Variants in ARID5B observed in about 807,000 individuals in gnomAD.
The protein encoded by ARID5B is AT-rich interactive domain-containing protein 5B.
A neutral mutation model predicts 97.2 loss-of-function variants in ARID5B; 13 were observed. The observed-to-expected ratio is 0.13, with a 90% CI of 0.09 to 0.21. ARID5B has a LOEUF of 0.21. Among genes scored for constraint, ARID5B ranks in the 10% least tolerant of loss-of-function variants. The probability of loss-of-function intolerance (pLI) is 1.00; values close to 1 mark genes in which losing one functional copy is unlikely to be tolerated. For missense variants in ARID5B, 1,210 were observed against 1,465.3 expected (o/e 0.83, Z 2.84); for synonymous variants, 556 against 570.3 (o/e 0.97, Z 0.36).
chr10:61,924,116 A>G (rs1274621563), intron 2 of ARID5B, among the ~76,000 whole-genome samples: 2 of 152,222 alleles, frequency 1.3e-5, no homozygotes, highest in Admixed American at 1.3e-4. Flanking sequence ...AGCACAGGGC[A>G]TGGAAAGCTG....
At chr10:61,988,500 C>T (rs750186152) in intron 3 of ARID5B, among the ~76,000 whole-genome samples, 2 of 152,126 alleles carry the variant, frequency 1.3e-5, no homozygotes, top group African/African-American at 2.4e-5. Context: ...AGGTGGCAAG[C>T]GAGAATCTCT....
chr10:61,987,279 T>C (rs534659048), intron 3 of ARID5B, among the ~76,000 whole-genome samples: 2 of 152,134 alleles, frequency 1.3e-5, no homozygotes, highest in Admixed American at 1.3e-4. Flanking sequence ...GGGAGTAGGA[T>C]GAGAACAGAG....
chr10:61,943,785 A>G (rs1039467032), intron 3 of ARID5B, among the ~76,000 whole-genome samples: 9 of 151,924 alleles, frequency 5.9e-5, no homozygotes, highest in Non-Finnish European at 1.2e-4. Context: ...GTGTCTGCCA[A>G]CAAATTAATA....
At chr10:62,031,542 AAC>A (rs1839497197) in intron 4 of ARID5B, among the ~76,000 whole-genome samples, 1 of 152,230 alleles carries the variant, frequency 6.6e-6, no homozygotes, top group South Asian at 2.1e-4. Context: ...TCAAGGAACT[AAC>A]CTCTTCACTG....
chr10:61,952,739 TTAG>T (rs1208883868), intron 3 of ARID5B, among the ~76,000 whole-genome samples: 1 of 152,168 alleles, frequency 6.6e-6, no homozygotes, highest in East Asian at 1.9e-4. Flanking sequence ...CTTGGTCTAA[TTAG>T]TAGTCATCTA....
intron 4 of ARID5B, among the ~76,000 whole-genome samples, chr10:62,041,346 G>A (rs1431955623): frequency 1.3e-5 from 2 of 152,174 alleles, no homozygotes; most frequent in Admixed American, 1.3e-4. Context: ...GCCCTCATAG[G>A]GAGGAAGGGT....
intron 2 of ARID5B, among the ~76,000 whole-genome samples, chr10:61,937,986 T>A (rs1844335830): frequency 6.6e-6 from 1 of 152,208 alleles, no homozygotes; most frequent in Non-Finnish European, 1.5e-5. Context: ...CAGTAAAACA[T>A]ACTGGTGGTT....
rs1843628213 is a variant in ARID5B at position 61,902,194 on chromosome 10, C to T, written c.57C>T (p.Tyr19=). The change falls in exon 2 of 10, where the codon TAC becomes TAT. Residue 19 remains tyrosine (Y), a synonymous_variant. Transcript: ENST00000279873. ...VGSPCGLHGP[Y]IFYKAFQFHL... ...CACCGTGTGGCTTGCACGGACCTTA[C>T]ATTTTCTACAAGGCTTTTCAATTCC... is the stretch of plus-strand genomic sequence containing the variant. The T allele has an allele frequency of 6.2e-7, 1 of 1,613,398 alleles. No individual in the cohort carries two copies. Among genetic ancestry groups the T allele is most frequent in the Non-Finnish European group, 8.5e-7 (1 of 1,180,024 alleles).
chr10:61,947,152 C>G (rs535436307), intron 3 of ARID5B, among the ~76,000 whole-genome samples: 1 of 151,926 alleles, frequency 6.6e-6, no homozygotes, highest in Non-Finnish European at 1.5e-5. Flanking sequence ...TGCCTCATGC[C>G]GTTATAATGT....
chr10:62,036,424 C>G (rs1056836863), intron 4 of ARID5B, among the ~76,000 whole-genome samples: 3 of 151,942 alleles, frequency 2.0e-5, no homozygotes, highest in Admixed American at 2.0e-4. Context: ...GTTGTTGACG[C>G]CCAATGCCAG....
At chr10:62,035,400 T>C (rs953332763) in intron 4 of ARID5B, among the ~76,000 whole-genome samples, 2 of 150,268 alleles carry the variant, frequency 1.3e-5, no homozygotes, top group Non-Finnish European at 3.0e-5. Context: ...ATAATCTCTT[T>C]AGACTGTGGT....
chr10:62,043,040 C>G lies in ARID5B; in HGVS notation c.734-7848C>G, dbSNP rs376381656. Among the ~76,000 whole-genome samples the G allele has an allele frequency of 1.2e-4, 19 of 152,180 alleles. No homozygotes were observed. The East Asian group carries it at 3.7e-3, about 29-fold the overall frequency. ...GCTATGGTATATAGACCCCATTATC[C>G]CAAAGATGCATAGGCTCTTGCACAG... is the stretch of plus-strand genomic sequence containing the variant. On this transcript the variant is annotated intron_variant, in intron 4 of 9. Transcript: ENST00000279873.
chr10:61,954,867 A>C (rs1250316192), intron 3 of ARID5B, among the ~76,000 whole-genome samples: 1 of 152,040 alleles, frequency 6.6e-6, no homozygotes, highest in Non-Finnish European at 1.5e-5. Context: ...TTAGCTTGGC[A>C]TGGTGGTGCA....
At chr10:61,958,496 G>T (rs1055309750) in intron 3 of ARID5B, among the ~76,000 whole-genome samples, 6 of 152,144 alleles carry the variant, frequency 3.9e-5, no homozygotes, top group Non-Finnish European at 8.8e-5. Flanking sequence ...AAAGTGCTGG[G>T]ATTAGAGGTG....
chr10:61,914,810 A>G (rs923194160), intron 2 of ARID5B, among the ~76,000 whole-genome samples: 27 of 152,212 alleles, frequency 1.8e-4, no homozygotes, highest in Non-Finnish European at 2.9e-4. Context: ...TGACATTTCC[A>G]TACTTTGTAG....
intron 3 of ARID5B, among the ~76,000 whole-genome samples, chr10:61,953,609 G>A (rs76459382): frequency 0.048 from 7,367 of 152,140 alleles, 579 homozygotes; most frequent in African/African-American, 0.16. Flanking sequence ...ATGTTGTAGC[G>A]GAAAGAGCAT....
chr10:61,965,692 T>C (rs1229239874), intron 3 of ARID5B, among the ~76,000 whole-genome samples: 1 of 152,204 alleles, frequency 6.6e-6, no homozygotes, highest in Non-Finnish European at 1.5e-5. Flanking sequence ...TTGCAAGAAC[T>C]ACTTTAGTAA....
chr10:61,957,649 C>A (rs867545308), intron 3 of ARID5B, among the ~76,000 whole-genome samples: 1 of 152,174 alleles, frequency 6.6e-6, no homozygotes, highest in African/African-American at 2.4e-5. Flanking sequence ...ATTTAAAAAA[C>A]TTAGTATGAA....
intron 9 of ARID5B, among the ~76,000 whole-genome samples, chr10:62,088,437 C>A (rs1840321165): frequency 6.6e-6 from 1 of 152,200 alleles, no homozygotes; most frequent in African/African-American, 2.4e-5. Flanking sequence ...TAGGAGGAAT[C>A]TTTAGCCTAT....
Sources: allele counts gnomAD v4.1 joint callset (sites outside exome capture counted in the v4.1 genomes callset), GRCh38; gene constraint gnomAD v4.1.1; transcripts MANE v1.5; gene names NCBI Gene and HGNC (gene_info 2026-07-23, HGNC 2026-07-21).